The following SPAG17 variants were observed in gnomAD, a reference collection of about 807,000 sequenced individuals.
SPAG17 encodes the protein sperm-associated antigen 17.
A neutral mutation model predicts 273.6 loss-of-function variants in SPAG17; 169 were observed. That is an observed-to-expected ratio of 0.62 (90% CI 0.55 to 0.70). The LOEUF (loss-of-function observed/expected upper bound fraction) is 0.70. Ranked by LOEUF, SPAG17 falls within the 30% of genes least tolerant of loss-of-function variation. The probability of loss-of-function intolerance (pLI) is 0.00; values close to 1 mark genes in which losing one functional copy is unlikely to be tolerated. For synonymous variants in SPAG17, 825 were observed against 873.2 expected, an observed-to-expected ratio of 0.94 and a Z score of 0.97; for missense variants, 2,557 against 2,627.8, an observed-to-expected ratio of 0.97 and a Z score of 0.59.
chr1:118,003,815 G>T (rs1196041580), intron 32 of SPAG17, among the ~76,000 whole-genome samples: 1 of 152,118 alleles, frequency 6.6e-6, no homozygotes, highest in Non-Finnish European at 1.5e-5. Context: ...GCCTACTTCT[G>T]TCAACTCATC....
At chr1:118,035,678 G>A (rs1287831382) in intron 24 of SPAG17, among the ~76,000 whole-genome samples, 1 of 151,656 alleles carries the variant, frequency 6.6e-6, no homozygotes, top group Non-Finnish European at 1.5e-5. Flanking sequence ...TAGAAAGACA[G>A]GTAATTGGAT....
intron 35 of SPAG17, among the ~76,000 whole-genome samples, chr1:117,992,858 T>C (rs1657264326): frequency 6.6e-6 from 1 of 152,162 alleles, no homozygotes; most frequent in African/African-American, 2.4e-5. Context: ...TTTATGTTAC[T>C]AAGATACTGG....
At chr1:118,036,388 A>G (rs1649074085) in intron 24 of SPAG17, among the ~76,000 whole-genome samples, 1 of 151,974 alleles carries the variant, frequency 6.6e-6, no homozygotes, top group South Asian at 2.1e-4. Context: ...TTTACACCCA[A>G]CCAAAAGGCT....
At chr1:118,157,010 C>G (rs6700302) in intron 1 of SPAG17, among the ~76,000 whole-genome samples, 102,241 of 151,834 alleles carry the variant, frequency 0.67, 34,857 homozygotes, top group African/African-American at 0.73. Context: ...CTCTGTTTAG[C>G]GATGTGTTGA....
chr1:118,126,042 TG>T (rs1657702747), intron 3 of SPAG17, among the ~76,000 whole-genome samples: 3 of 55,068 alleles, frequency 5.4e-5, no homozygotes, highest in South Asian at 1.7e-3. Context: ...TGTTATTTTC[TG>T]TTTTTTTTTT....
intron 3 of SPAG17, among the ~76,000 whole-genome samples, chr1:118,138,405 T>C (rs1025596530): frequency 6.6e-6 from 1 of 152,166 alleles, no homozygotes; most frequent in Non-Finnish European, 1.5e-5. Context: ...TAGCCCAGGA[T>C]TAAGTGAGAG....
intron 44 of SPAG17, 138 bp from the exon 45 acceptor site, chr1:117,972,185 T>C: frequency 1.3e-6 from 1 of 756,542 alleles, no homozygotes. Flanking sequence ...ATGTCATCCT[T>C]ACAACAGTCC....
At chr1:118,184,193 A>G (rs1661073490) in intron 1 of SPAG17, among the ~76,000 whole-genome samples, 1 of 152,072 alleles carries the variant, frequency 6.6e-6, no homozygotes, top group Non-Finnish European at 1.5e-5. Flanking sequence ...TGCACCATAC[A>G]GACATATATA....
intron 6 of SPAG17, among the ~76,000 whole-genome samples, chr1:118,099,115 T>C (rs188003792): frequency 2.5e-4 from 38 of 152,270 alleles, no homozygotes; most frequent in African/African-American, 8.4e-4. Context: ...GGTAGCATGA[T>C]TGGAACTTCA....
In SPAG17 at chr1:117,983,913, AC is replaced by A. The variant is rs1389841574; in HGVS notation, c.5770-1del. The A allele has an allele frequency of 6.3e-7, 1 of 1,579,928 alleles. No individual in the cohort carries two copies. The highest frequency in any genetic ancestry group is 1.7e-5 in the Admixed American group (1 of 58,094). On this transcript the variant is annotated splice_acceptor_variant, in intron 41 of 48. Coordinates refer to ENST00000336338, the MANE Select transcript of SPAG17 (RefSeq NM_206996.4). LOFTEE classifies it high-confidence loss of function. ...TTGGAAAGACTGTCCAGGTGATTAT[AC>A]TGAAAGGAAAAAAAAACTTATTTTA...
intron 48 of SPAG17, among the ~76,000 whole-genome samples, chr1:117,957,508 G>A (rs971165254): frequency 1.3e-5 from 2 of 152,182 alleles, no homozygotes; most frequent in Non-Finnish European, 2.9e-5. Context: ...ACAATCTTAA[G>A]ATAGCTCTGG....
intron 4 of SPAG17, among the ~76,000 whole-genome samples, chr1:118,110,370 A>G (rs1427674426): frequency 6.6e-6 from 1 of 152,196 alleles, no homozygotes; most frequent in Non-Finnish European, 1.5e-5. Context: ...CAGAAAGAAA[A>G]ATGCCAAAAT....
At chr1:117,975,934 G>A (rs1655084180) in intron 43 of SPAG17, among the ~76,000 whole-genome samples, 1 of 152,140 alleles carries the variant, frequency 6.6e-6, no homozygotes, top group South Asian at 2.1e-4. Context: ...AGTTTATCAT[G>A]AGCTGGACAC....
intron 48 of SPAG17, chr1:117,956,945 C>G: frequency 1.3e-6 from 1 of 777,768 alleles, no homozygotes; most frequent in South Asian, 2.7e-5. Flanking sequence ...ATATTTAACT[C>G]TAGGCAAGAT....
chr1:118,071,931 C>T (rs550778143), intron 17 of SPAG17, among the ~76,000 whole-genome samples: 1 of 151,984 alleles, frequency 6.6e-6, no homozygotes, highest in East Asian at 1.9e-4. Context: ...AGAAAATTTC[C>T]CAAAATATAA....
intron 30 of SPAG17, 53 bp from the exon 31 acceptor site, chr1:118,008,251 C>G: frequency 1.3e-6 from 2 of 1,587,778 alleles, no homozygotes; most frequent in South Asian, 2.2e-5. Context: ...CATTGCAAAA[C>G]AGACCTCAGC....
chr1:118,063,309 A>G (rs572212868), intron 18 of SPAG17, among the ~76,000 whole-genome samples: 1 of 152,156 alleles, frequency 6.6e-6, no homozygotes, highest in African/African-American at 2.4e-5. Flanking sequence ...ATAGCTGGAG[A>G]CATCACGCTA....
At chr1:118,051,459 T>C (rs1200575301) in intron 20 of SPAG17, among the ~76,000 whole-genome samples, 1 of 151,854 alleles carries the variant, frequency 6.6e-6, no homozygotes, top group African/African-American at 2.4e-5. Flanking sequence ...ATTGCAGCAT[T>C]ATTTACAATA....
intron 28 of SPAG17, among the ~76,000 whole-genome samples, chr1:118,020,045 A>G (rs989547968): frequency 2.0e-5 from 3 of 152,250 alleles, no homozygotes; most frequent in Non-Finnish European, 4.4e-5. Context: ...AAGTGTGGAA[A>G]AAGTTATACC....
Sources: gnomAD v4.1 joint callset for allele counts (sites outside exome capture counted in the v4.1 genomes callset) on GRCh38, gnomAD v4.1.1 for gene constraint, MANE v1.5 for transcripts, NCBI Gene and HGNC (gene_info 2026-07-23, HGNC 2026-07-21) for gene names.